ATP13A5: variants seen among roughly 807,000 people sequenced by gnomAD.
The protein encoded by ATP13A5 is probable cation-transporting ATPase 13A5.
A neutral mutation model predicts 150.2 loss-of-function variants in ATP13A5; 149 were observed. That is an observed-to-expected ratio of 0.99 (90% CI 0.87 to 1.14). The LOEUF (loss-of-function observed/expected upper bound fraction) is 1.14, where lower values mean the gene tolerates loss of function less well. Ranked by LOEUF, ATP13A5 falls within the 50% of genes most tolerant of loss-of-function variation. The pLI, the probability that ATP13A5 is intolerant of heterozygous loss-of-function variation, is 0.00. For missense variants in ATP13A5, 1,383 were observed against 1,449.3 expected, an observed-to-expected ratio of 0.95 and a Z score of 0.74; for synonymous variants, 497 against 522.2, an observed-to-expected ratio of 0.95 and a Z score of 0.66.
rs1261753137 is a variant in ATP13A5 at position 193,362,565 on chromosome 3, AC to A, written c.455+1del. The A allele has an allele frequency of 6.2e-7, 1 of 1,614,118 alleles. No homozygotes were observed. Among genetic ancestry groups the A allele is most frequent in the African/African-American group, 1.3e-5 (1 of 75,052 alleles). Reference sequence around the variant, plus strand: ...CAAGGGGTGACAAAACATTGTACTTACCCAACTTTCTGAAACCGCTTCTCCA... The same window carrying A: ...CAAGGGGTGACAAAACATTGTACTTACCAACTTTCTGAAACCGCTTCTCCA... On this transcript the variant is annotated splice_donor_variant, in intron 4 of 29. Transcript: ENST00000342358. LOFTEE classifies it high-confidence loss of function.
intron 9 of ATP13A5, 93 bp from the exon 10 acceptor site, chr3:193,335,192 A>C: frequency 8.4e-7 from 1 of 1,191,578 alleles, no homozygotes; most frequent in Non-Finnish European, 1.2e-6. Flanking sequence ...ACAAACCACA[A>C]CTAATCCGGT....
intron 25 of ATP13A5, among the ~76,000 whole-genome samples, chr3:193,295,090 A>C (rs940586656): frequency 5.3e-5 from 8 of 152,082 alleles, no homozygotes; most frequent in Non-Finnish European, 1.0e-4. Flanking sequence ...ATTGATCATC[A>C]ATTGTTGATG....
chr3:193,345,911 G>C lies in ATP13A5; in HGVS notation c.742-836C>G, dbSNP rs143248774. Among the ~76,000 whole-genome samples the C allele has an allele frequency of 1.4e-3, 213 of 152,162 alleles. 1 individual carries two copies. Among genetic ancestry groups the C allele is most frequent in the African/African-American group, 5.0e-3 (207 of 41,532 alleles). Reference sequence around the variant, plus strand: ...AAAACAACAAAGCTAAATGTTCTCTGTAAGTGGCTTTCTGCTTGTAAGTGT... The same window carrying C: ...AAAACAACAAAGCTAAATGTTCTCTCTAAGTGGCTTTCTGCTTGTAAGTGT... On this transcript the variant is annotated intron_variant, in intron 7 of 29. Coordinates refer to ENST00000342358, the MANE Select transcript of ATP13A5 (RefSeq NM_198505.4).
At chr3:193,353,864 C>CCCA (rs1245931448) in intron 6 of ATP13A5, among the ~76,000 whole-genome samples, 11 of 151,134 alleles carry the variant, frequency 7.3e-5, no homozygotes, top group East Asian at 2.0e-4. Context: ...GACTAACCAC[C>CCCA]CCACCACCAC....
chr3:193,347,656 T>C (rs1712399524), intron 7 of ATP13A5, among the ~76,000 whole-genome samples: 1 of 152,186 alleles, frequency 6.6e-6, no homozygotes, highest in Admixed American at 6.6e-5. Flanking sequence ...AAACTCATTA[T>C]GCTGTAGAGC....
intron 20 of ATP13A5, 63 bp downstream of exon 20, chr3:193,311,750 TCTC>T: frequency 8.2e-6 from 13 of 1,586,428 alleles, no homozygotes; most frequent in Admixed American, 1.7e-5. Context: ...TTTTCAATAC[TCTC>T]CTCCTCCTTT....
At chr3:193,360,894 C>A (rs1318714707) in intron 5 of ATP13A5, among the ~76,000 whole-genome samples, 1 of 152,204 alleles carries the variant, frequency 6.6e-6, no homozygotes, top group Non-Finnish European at 1.5e-5. Flanking sequence ...CCAGGCTGGT[C>A]TTGAACTCTT....
intron 10 of ATP13A5, 146 bp downstream of exon 10, chr3:193,334,783 T>C: frequency 1.4e-6 from 1 of 698,686 alleles, no homozygotes; most frequent in Non-Finnish European, 2.3e-6. Context: ...ATAGTGACAC[T>C]TTAGAATAAT....
chr3:193,289,419 C>T (rs536498884), intron 26 of ATP13A5, among the ~76,000 whole-genome samples: 86 of 152,198 alleles, frequency 5.7e-4, no homozygotes, highest in African/African-American at 1.9e-3. Flanking sequence ...CTACAGCCCA[C>T]AGGCCAAATC....
chr3:193,376,927 A>G (rs1713665947), intron 1 of ATP13A5, among the ~76,000 whole-genome samples: 1 of 152,164 alleles, frequency 6.6e-6, no homozygotes, highest in Non-Finnish European at 1.5e-5. Flanking sequence ...AGAAATCTAG[A>G]GCCATCTCCC....
intron 17 of ATP13A5, among the ~76,000 whole-genome samples, chr3:193,318,523 G>A (rs1301836104): frequency 1.3e-5 from 2 of 152,076 alleles, no homozygotes; most frequent in South Asian, 2.1e-4. Flanking sequence ...TCACAGATAC[G>A]AAGGAGATGT....
chr3:193,339,049 T>C (rs998629951), intron 9 of ATP13A5, among the ~76,000 whole-genome samples: 1 of 152,152 alleles, frequency 6.6e-6, no homozygotes, highest in Non-Finnish European at 1.5e-5. Context: ...TCTCTGATGG[T>C]AGTTTGTATT....
At chr3:193,312,396 C>A (rs1311469494) in intron 19 of ATP13A5, among the ~76,000 whole-genome samples, 1 of 152,184 alleles carries the variant, frequency 6.6e-6, no homozygotes, top group African/African-American at 2.4e-5. Context: ...TCCTTTTAGG[C>A]CCCAGCCTCT....
chr3:193,317,585 T>C (rs925669972), intron 17 of ATP13A5, among the ~76,000 whole-genome samples: 1 of 152,218 alleles, frequency 6.6e-6, no homozygotes, highest in Admixed American at 6.5e-5. Context: ...TTCCCCATTA[T>C]GACTCCAATT....
At chr3:193,377,204 A>G (rs1019442551) in intron 1 of ATP13A5, among the ~76,000 whole-genome samples, 10 of 152,260 alleles carry the variant, frequency 6.6e-5, no homozygotes, top group African/African-American at 2.4e-4. Flanking sequence ...CATCAGAGCT[A>G]ACAGAATTGT....
intron 23 of ATP13A5, among the ~76,000 whole-genome samples, chr3:193,304,209 G>T (rs1255123279): frequency 6.6e-6 from 1 of 152,084 alleles, no homozygotes; most frequent in Non-Finnish European, 1.5e-5. Context: ...GCACTCTAAG[G>T]GTCTGAACCT....
chr3:193,313,859 G>T, intron 19 of ATP13A5, 174 bp downstream of exon 19: 1 of 696,224 alleles, frequency 1.4e-6, no homozygotes, highest in Non-Finnish European at 2.3e-6. Flanking sequence ...ACTCCCCCAG[G>T]TGATTTTCCT....
At chr3:193,288,275 A>G (rs1444413870) in intron 26 of ATP13A5, among the ~76,000 whole-genome samples, 1 of 152,112 alleles carries the variant, frequency 6.6e-6, no homozygotes, top group Non-Finnish European at 1.5e-5. Context: ...AAGTACTGAG[A>G]TGGGATAAAA....
intron 24 of ATP13A5, among the ~76,000 whole-genome samples, chr3:193,299,993 C>T (rs576942626): frequency 1.4e-4 from 21 of 152,084 alleles, no homozygotes; most frequent in Admixed American, 5.9e-4. Context: ...GGTTCTTCTG[C>T]GACACTCTTA....
Sources: gnomAD v4.1 joint callset for allele counts (sites outside exome capture counted in the v4.1 genomes callset) on GRCh38, gnomAD v4.1.1 for gene constraint, MANE v1.5 for transcripts, NCBI Gene and HGNC (gene_info 2026-07-23, HGNC 2026-07-21) for gene names.